Variants in CACNA1D observed in about 807,000 individuals in gnomAD.
The protein encoded by CACNA1D is calcium voltage-gated channel subunit alpha1 D.
A neutral mutation model predicts 257.1 loss-of-function variants in CACNA1D; 55 were observed. The observed-to-expected ratio is 0.21, with a 90% CI of 0.17 to 0.27. The LOEUF (loss-of-function observed/expected upper bound fraction) is 0.27, where lower values mean the gene tolerates loss of function less well. Ranked by LOEUF, CACNA1D falls within the 10% of genes least tolerant of loss-of-function variation. CACNA1D has a pLI of 1.00. For missense variants in CACNA1D, 1,876 were observed against 2,784.0 expected (o/e 0.67, Z 7.34); for synonymous variants, 980 against 1,014.9 (o/e 0.97, Z 0.65).
At chr3:53,520,882 C>CTT (rs1180034106) in intron 3 of CACNA1D, among the ~76,000 whole-genome samples, 1 of 86,706 alleles carries the variant, frequency 1.2e-5, no homozygotes, top group East Asian at 5.3e-4. Flanking sequence ...TTCTTTCTTT[C>CTT]TTTCTTTCTT....
At chr3:53,570,133 T>G (rs1415182137) in intron 3 of CACNA1D, among the ~76,000 whole-genome samples, 1 of 152,244 alleles carries the variant, frequency 6.6e-6, no homozygotes, top group Non-Finnish European at 1.5e-5. Flanking sequence ...TTAACATTGT[T>G]TCTGTGGTAA....
intron 3 of CACNA1D, among the ~76,000 whole-genome samples, chr3:53,578,163 A>G (rs777598830): frequency 1.3e-5 from 2 of 150,764 alleles, no homozygotes; most frequent in Non-Finnish European, 3.0e-5. Context: ...TCTGTGGTAT[A>G]AGGTGGAATA....
At chr3:53,788,375 C>T (rs1390459903) in intron 40 of CACNA1D, among the ~76,000 whole-genome samples, 1 of 152,194 alleles carries the variant, frequency 6.6e-6, no homozygotes, top group Non-Finnish European at 1.5e-5. Context: ...ATCACAGGCT[C>T]AGTCACACAG....
chr3:53,789,595 G>A lies in CACNA1D; in HGVS notation c.4923+2643G>A, dbSNP rs917480227. Among the ~76,000 whole-genome samples, 3 of 152,248 alleles carry A rather than the reference G, an allele frequency of 2.0e-5. No individual in the cohort carries two copies. Among genetic ancestry groups the A allele is most frequent in the Non-Finnish European group, 4.4e-5 (3 of 68,038 alleles). ...CCTCGGGAAGCCCCTGAGAGTGGGCGTGGCCTGTTGAGATGGAGGATGGCT... is the reference window on the plus strand; with the variant it reads ...CCTCGGGAAGCCCCTGAGAGTGGGCATGGCCTGTTGAGATGGAGGATGGCT... On this transcript the variant is annotated intron_variant, in intron 40 of 47. Coordinates refer to ENST00000350061, the MANE Select transcript of CACNA1D (RefSeq NM_001128840.3). The surrounding 1 kb of genome is among the most constrained non-coding windows in gnomAD (Gnocchi z 4.2).
In CACNA1D at chr3:53,762,039, C is replaced by T. The variant is rs776623152; in HGVS notation, c.3828C>T (p.Ile1276=). The T allele has an allele frequency of 1.1e-5, 18 of 1,613,728 alleles. No individual in the cohort carries two copies. The highest frequency in any genetic ancestry group is 6.7e-5 in the African/African-American group (5 of 74,928). The part of the protein sequence containing the change: ...SDAWNTFDSL[I]VIGSIIDVAL... ...CCTGGAACACGTTTGACTCCCTCAT[C>T]GTAATCGGCAGCATTATAGACGTGG... The change falls in exon 30 of 48, where the codon ATC becomes ATT. Residue 1276 remains isoleucine, a synonymous_variant. Coordinates refer to ENST00000350061, the MANE Select transcript of CACNA1D (RefSeq NM_001128840.3).
intron 29 of CACNA1D, among the ~76,000 whole-genome samples, chr3:53,759,782 T>C (rs1288739824): frequency 1.3e-5 from 2 of 152,224 alleles, no homozygotes; most frequent in East Asian, 3.8e-4. Flanking sequence ...CTGGCTTTCT[T>C]GTTAGGAGAC....
At chr3:53,674,065 G>A (rs1241392468) in intron 8 of CACNA1D, 29 of 586,984 alleles carry the variant, frequency 4.9e-5, no homozygotes, top group Non-Finnish European at 6.2e-5. Context: ...GTGTTAGTAT[G>A]TGAACGTGTA....
At chr3:53,586,319 T>TGTGTGTGTGTGC (rs1491378698) in intron 3 of CACNA1D, among the ~76,000 whole-genome samples, 13 of 149,918 alleles carry the variant, frequency 8.7e-5, no homozygotes, top group Non-Finnish European at 1.5e-5. Flanking sequence ...TGTGTGTGTG[T>TGTGTGTGTGTGC]GCATTCCTCC....
At chr3:53,724,076 A>G in intron 14 of CACNA1D, 77 bp downstream of exon 14, 1 of 1,142,772 alleles carries the variant, frequency 8.8e-7, no homozygotes, top group Non-Finnish European at 1.3e-6. Context: ...GTCTGCTCAC[A>G]CTCAGGAAGA....
intron 3 of CACNA1D, among the ~76,000 whole-genome samples, chr3:53,616,580 T>C (rs1269489472): frequency 6.6e-6 from 1 of 152,218 alleles, no homozygotes; most frequent in Non-Finnish European, 1.5e-5. Flanking sequence ...CCTGACCTAA[T>C]GCTGTGCTTG....
Position 53,773,474 on chromosome 3 carries a change from G to A in CACNA1D, c.4110+576G>A, listed in dbSNP as rs565952003. ...AAGTGGGCAGTGGGATGGGTTGTGG[G>A]TGGAGGGAGGCAGCCTAGTCTAAGA... On this transcript the variant is annotated intron_variant, in intron 33 of 47. Coordinates refer to ENST00000350061, the MANE Select transcript of CACNA1D (RefSeq NM_001128840.3). 2.1e-3 allele frequency: 335 copies of A among 158,150 alleles called. 1 individual carries two copies. The highest frequency in any genetic ancestry group is 0.014 in the South Asian group (73 of 5,280). The allele number at this position is 158,150 out of a possible 1,614,324, so 9.8% of individuals were successfully genotyped here.
chr3:53,501,788 C>T, intron 3 of CACNA1D, 68 bp downstream of exon 3: 1 of 897,694 alleles, frequency 1.1e-6, no homozygotes, highest in Admixed American at 1.7e-5. Context: ...CTTAAACTGG[C>T]AGCTGGCCTT....
At chr3:53,663,739 C>A (rs1388562449) in intron 5 of CACNA1D, among the ~76,000 whole-genome samples, 1 of 152,042 alleles carries the variant, frequency 6.6e-6, no homozygotes, top group Non-Finnish European at 1.5e-5. Context: ...TTCCTAAGAC[C>A]TCCATGGCAG....
chr3:53,644,290 T>C (rs1251573013), intron 3 of CACNA1D, among the ~76,000 whole-genome samples: 1 of 152,208 alleles, frequency 6.6e-6, no homozygotes, highest in Non-Finnish European at 1.5e-5. Context: ...AATTAACATA[T>C]CTATTACCTC....
intron 3 of CACNA1D, among the ~76,000 whole-genome samples, chr3:53,545,465 G>C (rs888458571): frequency 6.6e-6 from 1 of 152,202 alleles, no homozygotes; most frequent in Non-Finnish European, 1.5e-5. Flanking sequence ...TCATGGAACT[G>C]AGCCCGAAGG....
At chr3:53,502,305 T>C (rs2090639695) in intron 3 of CACNA1D, among the ~76,000 whole-genome samples, 1 of 152,154 alleles carries the variant, frequency 6.6e-6, no homozygotes, top group Non-Finnish European at 1.5e-5. Context: ...GATTGTATGG[T>C]TAAATAAATC....
intron 43 of CACNA1D, 93 bp from the exon 44 acceptor site, chr3:53,803,330 C>T (rs527683878): frequency 2.5e-5 from 36 of 1,450,186 alleles, no homozygotes; most frequent in African/African-American, 1.8e-4. Flanking sequence ...CAGGAGCACC[C>T]GGGCAGGGTT....
chr3:53,761,547 G>T (rs1442166391), intron 29 of CACNA1D, among the ~76,000 whole-genome samples: 2 of 152,376 alleles, frequency 1.3e-5, no homozygotes, highest in Non-Finnish European at 2.9e-5. Context: ...TGGCCCATTT[G>T]AAGGAGCACA....
intron 9 of CACNA1D, among the ~76,000 whole-genome samples, chr3:53,705,013 C>T (rs1250875119): frequency 6.6e-6 from 1 of 152,198 alleles, no homozygotes; most frequent in Admixed American, 6.5e-5. Flanking sequence ...TTTATCTCAG[C>T]CCAGCATTTC....
Sources: gnomAD v4.1 joint callset for allele counts (sites outside exome capture counted in the v4.1 genomes callset) on GRCh38, gnomAD v4.1.1 for gene constraint, Gnocchi (gnomAD v3.1) non-coding constraint, MANE v1.5 for transcripts, NCBI Gene and HGNC (gene_info 2026-07-23, HGNC 2026-07-21) for gene names.